RBFOX1: variants seen among roughly 807,000 people sequenced by gnomAD.
RBFOX1 encodes RNA binding protein fox-1 homolog 1.
RBFOX1 carries 8 observed loss-of-function variants against 57.7 expected under a neutral mutation model. The ratio of observed to expected loss-of-function variants is 0.14; its 90% CI spans 0.08 to 0.25. RBFOX1 has a LOEUF of 0.25. Ranked by LOEUF, RBFOX1 falls within the 10% of genes least tolerant of loss-of-function variation. RBFOX1 has a pLI of 1.00. For missense variants in RBFOX1, 611 were observed against 548.5 expected (o/e 1.11, Z -1.14); for synonymous variants, 326 against 222.4 (o/e 1.47, Z -4.15).
At chr16:5,981,641 A>G (rs1038391294) in intron 4 of RBFOX1, among the ~76,000 whole-genome samples, 12 of 151,806 alleles carry the variant, frequency 7.9e-5, no homozygotes, top group African/African-American at 7.3e-5. Flanking sequence ...GCCAATTTTT[A>G]TATTTTTAGT....
chr16:5,944,697 G>A (rs964504786), intron 4 of RBFOX1, among the ~76,000 whole-genome samples: 1 of 149,744 alleles, frequency 6.7e-6, no homozygotes, highest in African/African-American at 2.5e-5. Flanking sequence ...GCTCACGCCT[G>A]TAATCCCAGC....
intron 4 of RBFOX1, among the ~76,000 whole-genome samples, chr16:7,078,728 G>A (rs1357885126): frequency 6.9e-6 from 1 of 144,748 alleles, no homozygotes; most frequent in Admixed American, 6.9e-5. Flanking sequence ...TGTCACCCAG[G>A]CTGGAGTGCA....
intron 3 of RBFOX1, among the ~76,000 whole-genome samples, chr16:5,864,236 A>C (rs889765982): frequency 6.6e-6 from 1 of 152,218 alleles, no homozygotes; most frequent in African/African-American, 2.4e-5. Flanking sequence ...CCATGATCAC[A>C]ACACTATTCA....
intron 4 of RBFOX1, among the ~76,000 whole-genome samples, chr16:7,247,426 C>G (rs1176797662): frequency 2.0e-5 from 3 of 152,136 alleles, no homozygotes; most frequent in Non-Finnish European, 1.5e-5. Flanking sequence ...CTACCACACA[C>G]TAAGAGTTGT....
chr16:6,626,250 T>C (rs1288196923), intron 2 of RBFOX1, among the ~76,000 whole-genome samples: 1 of 151,952 alleles, frequency 6.6e-6, no homozygotes, highest in African/African-American at 2.4e-5. Flanking sequence ...GTTCAACAAA[T>C]GTTGCCCGGG....
intron 11 of RBFOX1, among the ~76,000 whole-genome samples, chr16:7,634,103 T>G (rs1046315159): frequency 3.3e-5 from 5 of 152,232 alleles, no homozygotes; most frequent in Non-Finnish European, 7.3e-5. Context: ...ATCTTTGCTC[T>G]CTGATGGGTG....
chr16:5,497,021 A>G (rs1471309917), intron 2 of RBFOX1, among the ~76,000 whole-genome samples: 1 of 152,184 alleles, frequency 6.6e-6, no homozygotes, highest in Non-Finnish European at 1.5e-5. Flanking sequence ...GGAGGGGGAT[A>G]TTGAGTAAAT....
intron 1 of RBFOX1, among the ~76,000 whole-genome samples, chr16:6,049,612 A>G (rs2095531658): frequency 6.6e-6 from 1 of 152,162 alleles, no homozygotes; most frequent in African/African-American, 2.4e-5. Flanking sequence ...ATTAACAGTG[A>G]TTTTATGAAT....
At chr16:6,342,737 C>T (rs1034316815) in intron 2 of RBFOX1, among the ~76,000 whole-genome samples, 5 of 152,126 alleles carry the variant, frequency 3.3e-5, no homozygotes, top group Non-Finnish European at 7.3e-5. Flanking sequence ...TAAATCTCTT[C>T]GGTGCGTATC....
intron 2 of RBFOX1, among the ~76,000 whole-genome samples, chr16:6,415,815 C>G (rs2093609718): frequency 6.6e-6 from 1 of 152,252 alleles, no homozygotes; most frequent in Non-Finnish European, 1.5e-5. Flanking sequence ...ACGCAAATGA[C>G]TGTTCTGACA....
chr16:5,913,308 A>C (rs1216235565), intron 4 of RBFOX1, among the ~76,000 whole-genome samples: 1 of 152,112 alleles, frequency 6.6e-6, no homozygotes, highest in East Asian at 1.9e-4. Context: ...GGTTGATATG[A>C]TTTGAATATT....
intron 2 of RBFOX1, among the ~76,000 whole-genome samples, chr16:6,405,990 G>C (rs1567205413): frequency 6.6e-6 from 1 of 152,222 alleles, no homozygotes. Flanking sequence ...CTGTGTGCAG[G>C]AAGGTGAGAA....
At chr16:7,074,968 T>C (rs569572869) in intron 4 of RBFOX1, among the ~76,000 whole-genome samples, 3 of 152,138 alleles carry the variant, frequency 2.0e-5, no homozygotes, top group South Asian at 4.2e-4. Context: ...GGGGAGCTCA[T>C]TGAGAGTAGA....
At chr16:7,665,293 T>TC (rs2068910469) in intron 13 of RBFOX1, among the ~76,000 whole-genome samples, 1 of 152,156 alleles carries the variant, frequency 6.6e-6, no homozygotes, top group African/African-American at 2.4e-5. Context: ...CTCGATATGT[T>TC]CTTCGTTTTC....
intron 2 of RBFOX1, among the ~76,000 whole-genome samples, chr16:6,378,582 A>G (rs2091462354): frequency 1.3e-5 from 2 of 152,074 alleles, no homozygotes; most frequent in African/African-American, 4.8e-5. Flanking sequence ...CCCCATTTCT[A>G]AATAAGATAT....
At chr16:5,879,884 G>C (rs149743670) in intron 4 of RBFOX1, among the ~76,000 whole-genome samples, 2 of 152,288 alleles carry the variant, frequency 1.3e-5, no homozygotes, top group East Asian at 3.9e-4. Flanking sequence ...AATCTCTCTT[G>C]ACCTTTTCAT....
intron 3 of RBFOX1, among the ~76,000 whole-genome samples, chr16:6,788,875 T>A (rs905750870): frequency 1.2e-4 from 18 of 152,122 alleles, no homozygotes; most frequent in African/African-American, 4.1e-4. Flanking sequence ...AGAAATACTG[T>A]CACTCTGTAG....
chr16:5,551,598 G>T (rs1251031364), intron 2 of RBFOX1, among the ~76,000 whole-genome samples: 1 of 152,168 alleles, frequency 6.6e-6, no homozygotes, highest in African/African-American at 2.4e-5. Flanking sequence ...TCAGCACGGT[G>T]ATTCGGTGTG....
At chr16:7,692,933 G>C (rs370105158) in intron 14 of RBFOX1, among the ~76,000 whole-genome samples, 22 of 151,416 alleles carry the variant, frequency 1.5e-4, no homozygotes, top group African/African-American at 5.3e-4. Flanking sequence ...AATTTTTCTA[G>C]CTAGCTGTAG....
Sources: allele counts gnomAD v4.1 joint callset (sites outside exome capture counted in the v4.1 genomes callset), GRCh38; gene constraint gnomAD v4.1.1; transcripts MANE v1.5; gene names NCBI Gene and HGNC (gene_info 2026-07-23, HGNC 2026-07-21).